TNRC6C: variants seen among roughly 807,000 people sequenced by gnomAD.
The protein encoded by TNRC6C is trinucleotide repeat containing adaptor 6C.
In TNRC6C, 20 loss-of-function variants were observed where a neutral mutation model predicts 153.7. The observed-to-expected ratio is 0.13, with a 90% confidence interval of 0.09 to 0.19. The LOEUF (loss-of-function observed/expected upper bound fraction) is 0.19. Among genes scored for constraint, TNRC6C ranks in the 10% least tolerant of loss-of-function variants. The pLI is 1.00. For missense variants in TNRC6C, 1,987 were observed against 2,172.0 expected (o/e 0.91, Z 1.69); for synonymous variants, 811 against 841.4 (o/e 0.96, Z 0.63).
chr17:77,981,664 A>G (rs1218716377), intron 1 of TNRC6C, among the ~76,000 whole-genome samples: 1 of 152,224 alleles, frequency 6.6e-6, no homozygotes, highest in Non-Finnish European at 1.5e-5. Flanking sequence ...TTGGTGAGAG[A>G]ATCACATCAT....
intron 13 of TNRC6C, among the ~76,000 whole-genome samples, chr17:78,089,845 C>T (rs575956908): frequency 2.6e-5 from 4 of 152,254 alleles, no homozygotes; most frequent in African/African-American, 9.6e-5. Flanking sequence ...GGAAGCCTCA[C>T]GTAGCACAGA....
chr17:78,019,595 C>T (rs566318073), intron 1 of TNRC6C, among the ~76,000 whole-genome samples: 6 of 152,136 alleles, frequency 3.9e-5, no homozygotes, highest in Non-Finnish European at 8.8e-5. Context: ...AAACAAAAGG[C>T]AAAAGCTTAC....
At chr17:78,008,103 TA>T (rs1438174503) in intron 1 of TNRC6C, among the ~76,000 whole-genome samples, 3 of 152,192 alleles carry the variant, frequency 2.0e-5, no homozygotes, top group South Asian at 4.1e-4. Context: ...TAATTATACT[TA>T]AAAAAATGTT....
In TNRC6C at chr17:78,049,372, G is replaced by A. The variant is rs1417762860; in HGVS notation, c.310G>A (p.Ala104Thr). Residue 104 changes from alanine to threonine, a missense_variant, in exon 3 of 20, where the codon GCC (alanine) becomes ACC (threonine). Transcript: ENST00000301624. This position sits in a 1 kb window ranked among gnomAD's most constrained non-coding sequence, Gnocchi z 4.1. ...CATTAATCTTAACCTTAATCCTAAT[G>A]CCAACCCAGCTGCCTGGCCTGTACT... The A allele has an allele frequency of 1.2e-6, 2 of 1,613,998 alleles. No homozygotes were observed. Among genetic ancestry groups the A allele is most frequent in the Admixed American group, 3.3e-5 (2 of 60,026 alleles).
intron 1 of TNRC6C, among the ~76,000 whole-genome samples, chr17:77,969,631 A>G (rs949669779): frequency 2.6e-5 from 4 of 151,958 alleles, no homozygotes; most frequent in Non-Finnish European, 5.9e-5. Context: ...AGAGAAAACT[A>G]ACGTTTATGT....
chr17:78,026,267 A>C (rs532175176), intron 1 of TNRC6C, among the ~76,000 whole-genome samples: 76 of 152,258 alleles, frequency 5.0e-4, no homozygotes, highest in Non-Finnish European at 1.0e-3. Flanking sequence ...TTTAAAAAAT[A>C]ACATACACAA....
At chr17:78,096,609 A>G (rs1346401211) in intron 16 of TNRC6C, among the ~76,000 whole-genome samples, 2 of 152,206 alleles carry the variant, frequency 1.3e-5, no homozygotes, top group African/African-American at 2.4e-5. Context: ...ATGTGGGCCT[A>G]CGGCTGAGAT....
chr17:78,024,571 T>A (rs2071898786), intron 1 of TNRC6C, among the ~76,000 whole-genome samples: 1 of 152,054 alleles, frequency 6.6e-6, no homozygotes. Flanking sequence ...TTCACCATGT[T>A]AGCCAGGATG....
In TNRC6C at chr17:78,108,615, AGACTGGGAACTCGGGG is replaced by A. The variant is rs537520785; in HGVS notation, c.*3774_*3789del. ...CTGGGAGACCAGGTTGGATTTTGACAGACTGGGAACTCGGGGGACAGGAGGGCAGCACAGTGTAAGC... is the reference window on the plus strand; with the variant it reads ...CTGGGAGACCAGGTTGGATTTTGACAGACAGGAGGGCAGCACAGTGTAAGC... On this transcript the variant is annotated 3_prime_UTR_variant, in exon 20 of 20. Coordinates refer to ENST00000301624, the Ensembl canonical transcript of TNRC6C. 1.6e-4 allele frequency: 25 copies of A among 155,118 alleles called. No individual in the cohort carries two copies. The East Asian group carries it at 4.8e-3, about 30-fold the overall frequency. 9.6% of individuals were successfully genotyped at this position (155,118 alleles called of 1,614,324 possible). A position where few individuals can be genotyped will look rare whatever the true frequency, so the allele number is the denominator to read the frequency against.
intron 3 of TNRC6C, among the ~76,000 whole-genome samples, chr17:78,062,350 A>AG (rs2072785754): frequency 4.4e-4 from 1 of 2,274 alleles, no homozygotes; most frequent in Non-Finnish European, 6.0e-4. Context: ...TTTTCTTAGA[A>AG]TAAGAGTATC....
chr17:78,036,454 G>A lies in TNRC6C; in HGVS notation c.-219+4612G>A, dbSNP rs533661446. 2.2e-4 allele frequency among the ~76,000 whole-genome samples: 33 copies of A among 152,250 alleles called. No homozygotes were observed. In the East Asian group the frequency reaches 6.0e-3, roughly 28 times the overall value. ...TACTGTGCTAATGGAAAACTTACGT[G>A]TCCATTCCAGTAAACAGAGAGGATT... is the stretch of plus-strand genomic sequence containing the variant. On this transcript the variant is annotated intron_variant, in intron 2 of 19. Coordinates refer to ENST00000301624, the Ensembl canonical transcript of TNRC6C.
At chr17:78,026,623 A>G (rs1348847030) in intron 1 of TNRC6C, among the ~76,000 whole-genome samples, 3 of 152,202 alleles carry the variant, frequency 2.0e-5, no homozygotes, top group Non-Finnish European at 2.9e-5. Context: ...CTCAAAGCTA[A>G]GTCTGGGGAA....
intron 2 of TNRC6C, among the ~76,000 whole-genome samples, chr17:78,041,660 G>A (rs148863696): frequency 7.2e-5 from 11 of 152,268 alleles, no homozygotes; most frequent in African/African-American, 2.4e-4. Flanking sequence ...TTCTCCCTGA[G>A]ATCTTTACAC....
chr17:78,040,633 G>A (rs145071328), intron 2 of TNRC6C, among the ~76,000 whole-genome samples: 7 of 152,266 alleles, frequency 4.6e-5, no homozygotes, highest in African/African-American at 1.7e-4. Flanking sequence ...CAGTTTATTC[G>A]CCTGCAGCCA....
chr17:78,101,627 G>A (rs904953868), intron 17 of TNRC6C, among the ~76,000 whole-genome samples: 2 of 152,054 alleles, frequency 1.3e-5, no homozygotes, highest in Admixed American at 1.3e-4. Context: ...ATTTACCCAC[G>A]TATTTATTAA....
intron 19 of TNRC6C, among the ~76,000 whole-genome samples, chr17:78,103,820 T>C (rs1318073372): frequency 6.6e-6 from 1 of 152,224 alleles, no homozygotes; most frequent in Non-Finnish European, 1.5e-5. Context: ...GTCTGTGCCG[T>C]AATCTCTCCT....
At chr17:78,059,898 T>C (rs558977690) in intron 3 of TNRC6C, among the ~76,000 whole-genome samples, 3 of 150,398 alleles carry the variant, frequency 2.0e-5, no homozygotes, top group South Asian at 4.3e-4. Context: ...CCGCCACCGA[T>C]AGCAGTAGGA....
chr17:78,094,337 A>T (rs1183235519), intron 16 of TNRC6C, among the ~76,000 whole-genome samples: 1 of 152,130 alleles, frequency 6.6e-6, no homozygotes, highest in Non-Finnish European at 1.5e-5. Context: ...TGCCATAGGT[A>T]CTATCACTAA....
chr17:78,041,994 C>T (rs2072306188), intron 2 of TNRC6C, among the ~76,000 whole-genome samples: 2 of 152,110 alleles, frequency 1.3e-5, no homozygotes, highest in African/African-American at 4.8e-5. Flanking sequence ...TAAAATTTTG[C>T]TTACTATGGC....
Sources: allele counts gnomAD v4.1 joint callset (sites outside exome capture counted in the v4.1 genomes callset), GRCh38; gene constraint gnomAD v4.1.1; non-coding constraint Gnocchi (gnomAD v3.1); transcripts MANE v1.5; gene names NCBI Gene and HGNC (gene_info 2026-07-23, HGNC 2026-07-21).